GRIP1: variants seen among roughly 807,000 people sequenced by gnomAD.
GRIP1 encodes the protein glutamate receptor interacting protein 1.
Under a neutral mutation model 129.9 loss-of-function variants are expected in GRIP1, and 45 were observed. That is an observed-to-expected ratio of 0.35 (90% CI 0.27 to 0.44). The LOEUF is 0.44. Ranked by LOEUF, GRIP1 falls within the 20% of genes least tolerant of loss-of-function variation. The pLI is 1.00. For synonymous variants in GRIP1, 530 were observed against 520.8 expected (o/e 1.02, Z -0.24); for missense variants, 1,196 against 1,396.8 (o/e 0.86, Z 2.29).
At chr12:66,762,245 A>C (rs10506497) in intron 1 of GRIP1, among the ~76,000 whole-genome samples, 59,086 of 151,966 alleles carry the variant, frequency 0.39, 11,829 homozygotes, top group Middle Eastern at 0.48. Context: ...AGTGTCAAGG[A>C]ATAACTGTCA....
chr12:66,744,492 C>T (rs1231653871), intron 1 of GRIP1, among the ~76,000 whole-genome samples: 1 of 152,144 alleles, frequency 6.6e-6, no homozygotes, highest in Non-Finnish European at 1.5e-5. Flanking sequence ...GCTGCCTGGT[C>T]TGTCTTCCTG....
At chr12:66,395,585 C>T (rs909627424) in intron 16 of GRIP1, among the ~76,000 whole-genome samples, 10 of 152,160 alleles carry the variant, frequency 6.6e-5, no homozygotes, top group African/African-American at 1.9e-4. Context: ...GCAATGTGTC[C>T]TCTCTCGCCA....
chr12:66,972,846 A>T (rs993238776), intron 1 of GRIP1, among the ~76,000 whole-genome samples: 12 of 152,298 alleles, frequency 7.9e-5, no homozygotes, highest in African/African-American at 2.9e-4. Flanking sequence ...TTACATGCAA[A>T]TCTGTTGTGT....
intron 2 of GRIP1, among the ~76,000 whole-genome samples, chr12:66,587,163 G>A (rs542664944): frequency 9.8e-5 from 15 of 152,286 alleles, no homozygotes; most frequent in African/African-American, 2.6e-4. Flanking sequence ...ATTAGCAGAA[G>A]TTTCTTTCTC....
At chr12:66,801,261 T>C (rs2038850065) in intron 1 of GRIP1, among the ~76,000 whole-genome samples, 1 of 152,088 alleles carries the variant, frequency 6.6e-6, no homozygotes, top group Non-Finnish European at 1.5e-5. Flanking sequence ...ACTCTAACTC[T>C]AGAATTATGA....
At chr12:67,066,725 A>G (rs1440963234) in intron 1 of GRIP1, among the ~76,000 whole-genome samples, 1 of 151,940 alleles carries the variant, frequency 6.6e-6, no homozygotes, top group East Asian at 1.9e-4. Context: ...TAGAATTTCA[A>G]GGGTCAAGGG....
upstream of GRIP1, among the ~76,000 whole-genome samples, chr12:66,808,969 T>C (rs2136945211): frequency 6.6e-6 from 1 of 152,348 alleles, no homozygotes; most frequent in South Asian, 2.1e-4. Context: ...GCTATTATAA[T>C]AAATTGGTTA....
rs758962836 is a variant in GRIP1 at position 66,392,810 on chromosome 12, G to T, written c.2136C>A (p.Gly712=). The T allele has an allele frequency of 1.2e-6, 2 of 1,613,876 alleles. No homozygotes were observed. Among genetic ancestry groups the T allele is most frequent in the Admixed American group, 1.7e-5 (1 of 60,004 alleles). ...GGATTCGGTCTCCTATGTGGATTGC[G>T]CCAGTTCTGAAAAGCCAAATAGTAA... ...LTKGGLAERT[G]AIHIGDRILA... Residue 712 remains glycine, a synonymous_variant, in exon 18 of 25, where the codon GGC becomes GGA. Coordinates refer to ENST00000359742, the MANE Select transcript of GRIP1 (RefSeq NM_001366722.1).
intron 4 of GRIP1, among the ~76,000 whole-genome samples, chr12:66,533,611 C>T (rs1300748459): frequency 6.6e-6 from 1 of 152,064 alleles, no homozygotes. Flanking sequence ...TGCCACTGCA[C>T]TCCGGCCTGG....
intron 23 of GRIP1, among the ~76,000 whole-genome samples, chr12:66,368,811 C>A (rs961049): frequency 0.44 from 66,976 of 151,906 alleles, 15,309 homozygotes; most frequent in East Asian, 0.69. Flanking sequence ...AACACACACA[C>A]AATTACCACT....
At chr12:66,430,205 T>C (rs1305677724) in intron 14 of GRIP1, among the ~76,000 whole-genome samples, 1 of 152,206 alleles carries the variant, frequency 6.6e-6, no homozygotes, top group Non-Finnish European at 1.5e-5. Context: ...TCTGGCCTTT[T>C]TGTTTTTCTT....
rs1049423283 is a variant in GRIP1 at position 66,465,360 on chromosome 12, G to C, written c.787C>G (p.Leu263Val). The C allele has an allele frequency of 6.2e-7, 1 of 1,613,876 alleles. No homozygotes were observed. The highest frequency in any genetic ancestry group is 1.3e-5 in the African/African-American group (1 of 75,042). The change falls in exon 8 of 25, where the codon CTT becomes GTT. Residue 263 changes from leucine to valine, a missense_variant. Physicochemically the swap from Leu to Val is conservative, Grantham distance 32 (BLOSUM62 1). Coordinates refer to ENST00000359742, the MANE Select transcript of GRIP1 (RefSeq NM_001366722.1). ...ATCGAGGTAGTTAGGGCAACCCCAA[G>C]GCTGGCACCAGGAGTTTTGGCAACT... ...VEVAKTPGAS[L>V]GVALTTSMCC...
chr12:66,859,246 C>G (rs2040059113), intron 1 of GRIP1, among the ~76,000 whole-genome samples: 1 of 107,780 alleles, frequency 9.3e-6, no homozygotes, highest in African/African-American at 3.2e-5. Context: ...CTAGCATATT[C>G]TCCACATTTT....
intron 1 of GRIP1, among the ~76,000 whole-genome samples, chr12:66,606,531 C>T (rs2139840511): frequency 6.6e-6 from 1 of 152,228 alleles, no homozygotes; most frequent in Admixed American, 6.5e-5. Flanking sequence ...AGAGCTAATA[C>T]TTACAGAGCA....
Position 66,759,495 on chromosome 12 carries a change from T to C in GRIP1, c.-420+44558A>G, listed in dbSNP as rs547481331. Among the ~76,000 whole-genome samples, 268 of 152,362 alleles carry C rather than the reference T, an allele frequency of 1.8e-3. 2 individuals carry two copies. Among genetic ancestry groups the C allele is most frequent in the African/African-American group, 5.7e-3 (239 of 41,580 alleles). Reference sequence around the variant, plus strand: ...TTAACATTAGGCTCCTTGCTACTTATGCAAATTTCTGCATCCAGCTTGAAT... The same window carrying C: ...TTAACATTAGGCTCCTTGCTACTTACGCAAATTTCTGCATCCAGCTTGAAT... On this transcript the variant is annotated intron_variant, in intron 1 of 4. Coordinates refer to the GRIP1 transcript ENST00000538373.
At chr12:66,449,569 T>C (rs776582511) in intron 11 of GRIP1, among the ~76,000 whole-genome samples, 1 of 152,208 alleles carries the variant, frequency 6.6e-6, no homozygotes, top group African/African-American at 2.4e-5. Context: ...AGGTGGAAGC[T>C]TGCAATTGCC....
At chr12:66,709,020 A>C (rs2035628089) in intron 1 of GRIP1, among the ~76,000 whole-genome samples, 1 of 151,886 alleles carries the variant, frequency 6.6e-6, no homozygotes, top group Non-Finnish European at 1.5e-5. Context: ...ATATAAAAGA[A>C]AAGACAGTAG....
intron 1 of GRIP1, among the ~76,000 whole-genome samples, chr12:66,818,083 T>C (rs542950960): frequency 2.0e-4 from 30 of 152,358 alleles, no homozygotes; most frequent in African/African-American, 7.2e-4. Context: ...TCTGAAACTA[T>C]GTCAAGGAAC....
In GRIP1 at chr12:66,748,591, G is replaced by A. The variant is rs138270069; in HGVS notation, c.-420+55462C>T. On this transcript the variant is annotated intron_variant, in intron 1 of 4. Coordinates refer to the GRIP1 transcript ENST00000538373. The stretch of plus-strand genomic sequence containing the variant: ...CTGAGAACACTGTATGTGTCTAGCA[G>A]CCTTAGGATGATGTGGTTTAAGGAT... Among the ~76,000 whole-genome samples the A allele has an allele frequency of 2.3e-3, 346 of 152,284 alleles. 6 individuals carry two copies. In the East Asian group the frequency reaches 0.059, roughly 26 times the overall value.
Sources: allele counts gnomAD v4.1 joint callset (sites outside exome capture counted in the v4.1 genomes callset), GRCh38; gene constraint gnomAD v4.1.1; transcripts MANE v1.5; gene names NCBI Gene and HGNC (gene_info 2026-07-23, HGNC 2026-07-21).